Variants in IL7 observed in about 807,000 individuals in gnomAD.
IL7 encodes interleukin 7.
Under a neutral mutation model 21.6 loss-of-function variants are expected in IL7, and 3 were observed. That is an observed-to-expected ratio of 0.14 (90% confidence interval 0.06 to 0.36). The LOEUF is 0.36. Among genes scored for constraint, IL7 ranks in the 10% least tolerant of loss-of-function variants. The probability of loss-of-function intolerance (pLI) is 1.00; values close to 1 mark genes in which losing one functional copy is unlikely to be tolerated. For synonymous variants in IL7, 62 were observed against 68.1 expected, an observed-to-expected ratio of 0.91 and a Z score of 0.44; for missense variants, 175 against 200.2, an observed-to-expected ratio of 0.87 and a Z score of 0.76.
chr8:78,760,522 A>G (rs1812516265), intron 2 of IL7: 1 of 1,536,324 alleles, frequency 6.5e-7, no homozygotes, highest in Admixed American at 2.1e-5. Flanking sequence ...ACAGCGTGTC[A>G]GGATTGGGTA....
chr8:78,772,278 A>C (rs2130789825), intron 2 of IL7, among the ~76,000 whole-genome samples: 1 of 152,332 alleles, frequency 6.6e-6, no homozygotes. Flanking sequence ...AGTTGACAAT[A>C]TAAGTGCTAG....
At chr8:78,748,248 A>T (rs1043615577) in intron 2 of IL7, among the ~76,000 whole-genome samples, 2 of 152,244 alleles carry the variant, frequency 1.3e-5, no homozygotes, top group Non-Finnish European at 2.9e-5. Flanking sequence ...CAATGGTCAT[A>T]TTAACAGCCA....
At chr8:78,778,198 G>T (rs1397535465) in intron 2 of IL7, among the ~76,000 whole-genome samples, 1 of 152,038 alleles carries the variant, frequency 6.6e-6, no homozygotes. Context: ...TTATTTAACA[G>T]CTTGCACACA....
chr8:78,735,681 T>A (rs1035817495), intron 5 of IL7, among the ~76,000 whole-genome samples: 1 of 152,216 alleles, frequency 6.6e-6, no homozygotes, highest in Non-Finnish European at 1.5e-5. Context: ...AGCTTCTGTA[T>A]TCACTTCAGA....
At chr8:78,721,860 A>C (rs1414338639) in intron 3 of IL7, among the ~76,000 whole-genome samples, 3 of 152,042 alleles carry the variant, frequency 2.0e-5, no homozygotes, top group Admixed American at 2.0e-4. Context: ...GTATAGGAAA[A>C]TATTTATGCA....
In IL7 at chr8:78,699,755, T is replaced by TAATG. The variant is rs550052032; in HGVS notation, n.215-13812_215-13809dup. Reference sequence around the variant, plus strand: ...TGTTCCTGTGTTAGTTTCCTAAGGATAATGGCCTCCAGCTCCATTCATGTC... The same window carrying TAATG: ...TGTTCCTGTGTTAGTTTCCTAAGGATAATGAATGGCCTCCAGCTCCATTCATGTC... On this transcript the variant is annotated intron_variant and non_coding_transcript_variant, in intron 3 of 4. Transcript: ENST00000523959. Among the ~76,000 whole-genome samples the TAATG allele has an allele frequency of 2.4e-3, 361 of 152,288 alleles. 2 individuals are homozygous for TAATG. The highest frequency in any genetic ancestry group is 8.1e-3 in the African/African-American group (338 of 41,568).
chr8:78,699,667 T>A (rs1235304882), intron 3 of IL7, among the ~76,000 whole-genome samples: 1 of 152,182 alleles, frequency 6.6e-6, no homozygotes, highest in Non-Finnish European at 1.5e-5. Flanking sequence ...CCCCTCTATG[T>A]GTCCATGTAG....
chr8:78,779,681 T>C, intron 2 of IL7, among the ~76,000 whole-genome samples: 1 of 152,158 alleles, frequency 6.6e-6, no homozygotes. Flanking sequence ...TCATCAGAGA[T>C]GTTGGCCTGA....
chr8:78,761,256 A>G, intron 2 of IL7: 8 of 1,605,670 alleles, frequency 5.0e-6, no homozygotes, highest in Non-Finnish European at 6.8e-6. Context: ...GATCGATGGA[A>G]AAAAGAACAA....
At chr8:78,800,860 T>C (rs1176806892) in intron 1 of IL7, among the ~76,000 whole-genome samples, 1 of 152,222 alleles carries the variant, frequency 6.6e-6, no homozygotes, top group Admixed American at 6.5e-5. Flanking sequence ...GTGAAAGGGA[T>C]ACTTTTACCA....
chr8:78,723,363 T>C (rs1042905067), intron 3 of IL7, among the ~76,000 whole-genome samples: 3 of 151,972 alleles, frequency 2.0e-5, no homozygotes, highest in African/African-American at 7.2e-5. Flanking sequence ...CCTAGAGAAC[T>C]AAACCTAATG....
chr8:78,690,420 C>T (rs1052467643), intron 3 of IL7, among the ~76,000 whole-genome samples: 4 of 151,944 alleles, frequency 2.6e-5, no homozygotes, highest in East Asian at 1.9e-4. Flanking sequence ...ATTAGCTGGA[C>T]GTGGTGGCGG....
In IL7 at chr8:78,756,209, A is replaced by G. The variant is rs149184846; in HGVS notation, c.148-16127T>C. ...TTTATTATGTTCTATTATTTTTTAG[A>G]TGTGTTGTTAGATTCAGTTTGTTAG... On this transcript the variant is annotated intron_variant, in intron 2 of 5. Transcript: ENST00000263851. Among the ~76,000 whole-genome samples, 1,101 of 151,874 alleles carry G rather than the reference A, an allele frequency of 7.2e-3. 14 individuals carry two copies. Among genetic ancestry groups the G allele is most frequent in the African/African-American group, 0.025 (1,045 of 41,462 alleles).
At chr8:78,795,986 C>A (rs1813840175) in intron 2 of IL7, among the ~76,000 whole-genome samples, 2 of 151,992 alleles carry the variant, frequency 1.3e-5, no homozygotes, top group African/African-American at 4.8e-5. Flanking sequence ...AGTCGGGGGA[C>A]AGATTAGACA....
At chr8:78,769,732 A>T (rs1221324494) in intron 2 of IL7, among the ~76,000 whole-genome samples, 1 of 152,084 alleles carries the variant, frequency 6.6e-6, no homozygotes, top group Non-Finnish European at 1.5e-5. Context: ...GCCAAGTCAA[A>T]CCTAAGCCAA....
downstream of IL7, among the ~76,000 whole-genome samples, chr8:78,713,399 G>A (rs1048586740): frequency 6.6e-6 from 1 of 151,594 alleles, no homozygotes; most frequent in South Asian, 2.1e-4. Context: ...GACATTATGT[G>A]TATATATTCA....
At chr8:78,767,023 A>T (rs1276073953) in intron 2 of IL7, among the ~76,000 whole-genome samples, 1 of 152,132 alleles carries the variant, frequency 6.6e-6, no homozygotes, top group African/African-American at 2.4e-5. Context: ...CATTTTTGTA[A>T]CTACTTGAAG....
intron 4 of IL7, among the ~76,000 whole-genome samples, chr8:78,737,149 A>T (rs1811621722): frequency 6.6e-6 from 1 of 152,158 alleles, no homozygotes; most frequent in African/African-American, 2.4e-5. Flanking sequence ...AAAGCTCAAT[A>T]CATAAGAGAA....
intron 1 of IL7, among the ~76,000 whole-genome samples, chr8:78,799,037 A>G (rs1223338688): frequency 2.0e-5 from 3 of 152,152 alleles, no homozygotes; most frequent in Non-Finnish European, 4.4e-5. Context: ...ATGGAAAGCC[A>G]GTGGTTCCCA....
Sources: gnomAD v4.1 joint callset for allele counts (sites outside exome capture counted in the v4.1 genomes callset) on GRCh38, gnomAD v4.1.1 for gene constraint, MANE v1.5 for transcripts, NCBI Gene and HGNC (gene_info 2026-07-23, HGNC 2026-07-21) for gene names.